TDO2: variants seen among roughly 807,000 people sequenced by gnomAD.
TDO2 encodes tryptamin 2,3-dioxygenase.
In TDO2, 63 loss-of-function variants were observed where a neutral mutation model predicts 61.2. The ratio of observed to expected loss-of-function variants is 1.03; its 90% CI spans 0.84 to 1.27. The LOEUF (loss-of-function observed/expected upper bound fraction) is 1.27. TDO2 is among the 50% of genes most tolerant of loss of function. The pLI is 0.00. For synonymous variants in TDO2, 183 were observed against 164.0 expected (o/e 1.12, Z -0.89); for missense variants, 494 against 469.5 (o/e 1.05, Z -0.48).
At position 155,918,077 on chromosome 4, in the gene TDO2, C is replaced by G. The variant is rs563189158; in HGVS notation, c.977-72C>G. 2.3e-5 allele frequency: 33 copies of G among 1,406,846 alleles called. 1 individual carries two copies. In the East Asian group the frequency reaches 7.6e-4, roughly 33 times the overall value. The allele number at this position is 1,406,846 out of a possible 1,614,324, so 87.1% of individuals were successfully genotyped here. A position where few individuals can be genotyped will look rare whatever the true frequency, so the allele number is the denominator to read the frequency against. ...CTCAGAAGCAATTATCATTACCAACCCCTCATTGTTAGAACATTGTGGAAC... is the reference window on the plus strand; with the variant it reads ...CTCAGAAGCAATTATCATTACCAACGCCTCATTGTTAGAACATTGTGGAAC... On this transcript the variant is annotated intron_variant, in intron 10 of 11. Transcript: ENST00000536354.
chr4:155,908,757 AT>A, intron 4 of TDO2, 129 bp from the exon 5 acceptor site: 2 of 1,186,898 alleles, frequency 1.7e-6, no homozygotes. Context: ...CTCTTTGCAA[AT>A]TTTAGTTTCA....
At chr4:155,919,612 T>C (rs947225943) in intron 11 of TDO2, among the ~76,000 whole-genome samples, 15 of 152,190 alleles carry the variant, frequency 9.9e-5, no homozygotes, top group African/African-American at 3.6e-4. Flanking sequence ...CTAAAACACA[T>C]AATACTGTTT....
intron 3 of TDO2, chr4:155,905,532 A>C: frequency 6.0e-6 from 1 of 166,528 alleles, no homozygotes; most frequent in Non-Finnish European, 1.3e-5. Context: ...TCCTATACAA[A>C]TCTAGTAATA....
At chr4:155,912,761 A>G (rs1003749848) in intron 7 of TDO2, among the ~76,000 whole-genome samples, 4 of 152,098 alleles carry the variant, frequency 2.6e-5, no homozygotes, top group Non-Finnish European at 4.4e-5. Flanking sequence ...TCTGGTTTAT[A>G]TATCCCCTTA....
intron 10 of TDO2, 121 bp from the exon 11 acceptor site, chr4:155,918,028 C>A: frequency 3.2e-6 from 3 of 940,766 alleles, no homozygotes; most frequent in African/African-American, 1.6e-5. Context: ...TTCCATATGG[C>A]CAAGTGTTAG....
chr4:155,907,655 C>CT, intron 3 of TDO2, 67 bp from the exon 4 acceptor site: 1 of 993,180 alleles, frequency 1.0e-6, no homozygotes, highest in Admixed American at 2.1e-5. Flanking sequence ...TTAAACATAT[C>CT]TTTCATATAA....
chr4:155,915,937 GA>G (rs769818346), intron 9 of TDO2, 25 bp downstream of exon 9: 2 of 1,595,934 alleles, frequency 1.3e-6, no homozygotes, highest in Non-Finnish European at 1.7e-6. Context: ...AAGAGAGACT[GA>G]AGTTAAAATT....
rs534533036 is a variant in TDO2 at position 155,916,406 on chromosome 4, GA to G, written c.896+495del. Among the ~76,000 whole-genome samples the G allele has an allele frequency of 9.2e-4, 115 of 124,550 alleles. 2 individuals are homozygous for G. The highest frequency in any genetic ancestry group is 3.0e-3 in the African/African-American group (99 of 33,256). 81.7% of individuals were successfully genotyped at this position (124,550 alleles called of 152,430 possible). On this transcript the variant is annotated intron_variant, in intron 9 of 11. Coordinates refer to ENST00000536354, the MANE Select transcript of TDO2 (RefSeq NM_005651.4). ...GATGGTCTCGATCTCCTGACCTCGT[GA>G]TCGGCCCGCCTCGGCCTCCCAAAGT...
In TDO2 at chr4:155,915,910, C is replaced by T; in HGVS notation, c.894C>T (p.Tyr298=). 2.5e-6 allele frequency: 4 copies of T among 1,605,466 alleles called. No individual in the cohort carries two copies. The highest frequency in any genetic ancestry group is 3.4e-6 in the Non-Finnish European group (4 of 1,176,504). The change falls in exon 9 of 12, where the codon TAC becomes TAT. Residue 298 remains tyrosine, a splice_region_variant and synonymous_variant. Coordinates refer to ENST00000536354, the MANE Select transcript of TDO2 (RefSeq NM_005651.4). The stretch of plus-strand genomic sequence containing the variant: ...AGGGAGCATTGATGATATATTTTTA[C>T]AGGTAAAGCAAATCCGAAGAGAGAC... The part of the protein sequence containing the change: ...ALQGALMIYF[Y]REEPRFQVPF...
chr4:155,906,325 A>C (rs116058095), intron 3 of TDO2: 1 of 152,186 alleles, frequency 6.6e-6, no homozygotes, highest in African/African-American at 2.4e-5. Context: ...CAGTGGTTAC[A>C]TAGGGTTAAA....
chr4:155,911,541 C>CT lies in TDO2; in HGVS notation c.665dup (p.Trp223LeufsTer5). ...CAGGTTTAGAGCCACATGGATTTAACTTCTGGGGAAAGCTTGAAAAAAATA... is the reference window on the plus strand; with the variant it reads ...CAGGTTTAGAGCCACATGGATTTAACTTTCTGGGGAAAGCTTGAAAAAAATA... On this transcript the variant is annotated frameshift_variant, in exon 7 of 12. Coordinates refer to ENST00000536354, the MANE Select transcript of TDO2 (RefSeq NM_005651.4). LOFTEE classifies it high-confidence loss of function. 6.3e-7 allele frequency: 1 copy of CT among 1,591,810 alleles called. No homozygotes were observed. Among genetic ancestry groups the CT allele is most frequent in the South Asian group, 1.1e-5 (1 of 89,658 alleles).
Position 155,910,202 on chromosome 4 carries a change from A to G in TDO2, c.609A>G (p.Glu203=). Residue 203 remains glutamate (E), a synonymous_variant, in exon 6 of 12, where the codon GAA becomes GAG. Coordinates refer to ENST00000536354, the MANE Select transcript of TDO2 (RefSeq NM_005651.4). The part of the protein sequence containing the change: ...LKSEQEKTLL[E]LVEAWLERTP... Reference sequence around the variant, plus strand: ...CTGAGCAGGAAAAGACACTTCTGGAATTAGTGGAGGTATGGATTCATACAA... The same window carrying G: ...CTGAGCAGGAAAAGACACTTCTGGAGTTAGTGGAGGTATGGATTCATACAA... 6.3e-7 allele frequency: 1 copy of G among 1,576,058 alleles called. No homozygotes were observed. Among genetic ancestry groups the G allele is most frequent in the Admixed American group, 1.9e-5 (1 of 52,206 alleles).
intron 7 of TDO2, among the ~76,000 whole-genome samples, chr4:155,912,288 A>G (rs966980845): frequency 6.6e-6 from 1 of 152,196 alleles, no homozygotes; most frequent in Admixed American, 6.5e-5. Context: ...TCTAACTCAT[A>G]AGATTATTAT....
At chr4:155,907,929 G>T (rs1027146954) in intron 4 of TDO2, 137 bp downstream of exon 4, 7 of 605,620 alleles carry the variant, frequency 1.2e-5, no homozygotes, top group African/African-American at 1.9e-5. Context: ...TTTTATGAAT[G>T]AATGAGGAGT....
Position 155,920,109 on chromosome 4 carries a change from C to T in TDO2, c.*119C>T, listed in dbSNP as rs1743016289. ...ATATATTGTTCAGCACCACGATGCT[C>T]TGATTTAATTCTAGAAACAATTTGA... On this transcript the variant is annotated 3_prime_UTR_variant, in exon 12 of 12. Coordinates refer to ENST00000536354, the MANE Select transcript of TDO2 (RefSeq NM_005651.4). 1.1e-6 allele frequency: 1 copy of T among 893,286 alleles called. No homozygotes were observed. Among genetic ancestry groups the T allele is most frequent in the Admixed American group, 2.9e-5 (1 of 34,364 alleles). The allele number at this position is 893,286 out of a possible 1,614,324, so 55.3% of individuals were successfully genotyped here. A position where few individuals can be genotyped will look rare whatever the true frequency, so the allele number is the denominator to read the frequency against.
At chr4:155,913,126 C>T (rs1055399683) in intron 7 of TDO2, among the ~76,000 whole-genome samples, 2 of 152,122 alleles carry the variant, frequency 1.3e-5, no homozygotes, top group African/African-American at 4.8e-5. Context: ...ACTGTGCTCC[C>T]CCACCTTCCC....
At chr4:155,909,854 C>T (rs1397219580) in intron 5 of TDO2, among the ~76,000 whole-genome samples, 171 bp from the exon 6 acceptor site, 1 of 110,584 alleles carries the variant, frequency 9.0e-6, no homozygotes, top group South Asian at 3.8e-4. Context: ...CTCTCTTCTC[C>T]TCTCCTCTCC....
chr4:155,909,070 G>T (rs1742770913), intron 5 of TDO2, 56 bp downstream of exon 5: 1 of 1,516,900 alleles, frequency 6.6e-7, no homozygotes, highest in South Asian at 1.3e-5. Flanking sequence ...TCATTTTGGT[G>T]GGGTAAAAGC....
chr4:155,914,057 C>T (rs1013251899), intron 7 of TDO2, among the ~76,000 whole-genome samples: 1 of 151,984 alleles, frequency 6.6e-6, no homozygotes, highest in Non-Finnish European at 1.5e-5. Flanking sequence ...TTTTGTCCAT[C>T]TGAGTCCATT....
Sources: allele counts gnomAD v4.1 joint callset (sites outside exome capture counted in the v4.1 genomes callset), GRCh38; gene constraint gnomAD v4.1.1; transcripts MANE v1.5; gene names NCBI Gene and HGNC (gene_info 2026-07-23, HGNC 2026-07-21).